SNX29: variants seen among roughly 807,000 people sequenced by gnomAD.
SNX29 encodes sorting nexin 29.
Under a neutral mutation model 102.1 loss-of-function variants are expected in SNX29, and 78 were observed. The ratio of observed to expected loss-of-function variants is 0.76; its 90% CI spans 0.64 to 0.92. The LOEUF (loss-of-function observed/expected upper bound fraction) is 0.92, where lower values mean the gene tolerates loss of function less well. SNX29 is among the 40% of genes least tolerant of loss of function. The pLI, the probability that SNX29 is intolerant of heterozygous loss-of-function variation, is 0.00. For synonymous variants in SNX29, 580 were observed against 414.5 expected (o/e 1.40, Z -4.85); for missense variants, 1,280 against 1,061.7 (o/e 1.21, Z -2.86).
intron 13 of SNX29, among the ~76,000 whole-genome samples, chr16:12,160,559 G>A (rs772626633): frequency 6.6e-6 from 1 of 152,172 alleles, no homozygotes; most frequent in East Asian, 1.9e-4. Context: ...GCCGTGGTTG[G>A]GGTGTGGGTG....
At chr16:12,232,131 T>G (rs139919404) in intron 14 of SNX29, among the ~76,000 whole-genome samples, 7 of 152,330 alleles carry the variant, frequency 4.6e-5, no homozygotes, top group African/African-American at 1.7e-4. Flanking sequence ...ACAGCCCATA[T>G]TTTGAGGATG....
intron 20 of SNX29, among the ~76,000 whole-genome samples, chr16:12,548,546 C>G (rs188175052): frequency 2.0e-5 from 3 of 152,196 alleles, no homozygotes; most frequent in African/African-American, 4.8e-5. Flanking sequence ...TGGGAATTCC[C>G]TCTAGGGATT....
At chr16:12,382,092 C>G (rs2083185206) in intron 16 of SNX29, among the ~76,000 whole-genome samples, 3 of 152,054 alleles carry the variant, frequency 2.0e-5, no homozygotes, top group African/African-American at 7.2e-5. Flanking sequence ...ATGAATAACA[C>G]CCGGGTTCCA....
chr16:12,213,306 A>G (rs2077236615), intron 14 of SNX29, among the ~76,000 whole-genome samples: 1 of 152,142 alleles, frequency 6.6e-6, no homozygotes, highest in Non-Finnish European at 1.5e-5. Flanking sequence ...ATAGAGAAAC[A>G]TAAGGGACAT....
intron 18 of SNX29, among the ~76,000 whole-genome samples, chr16:12,438,993 A>C (rs906180409): frequency 1.3e-5 from 2 of 152,224 alleles, no homozygotes; most frequent in African/African-American, 2.4e-5. Flanking sequence ...TCCACCTGCC[A>C]TGTAGACCAT....
intron 3 of SNX29, among the ~76,000 whole-genome samples, chr16:12,003,413 G>A (rs1191299496): frequency 6.6e-6 from 1 of 152,176 alleles, no homozygotes; most frequent in Non-Finnish European, 1.5e-5. Flanking sequence ...CATTAATGGG[G>A]TGGAATGTTA....
At chr16:12,249,908 G>A (rs927474678) in intron 14 of SNX29, among the ~76,000 whole-genome samples, 2 of 152,156 alleles carry the variant, frequency 1.3e-5, no homozygotes, top group Non-Finnish European at 2.9e-5. Context: ...ACACCTGCAG[G>A]TCCCAGCCCT....
chr16:12,233,553 TAACA>T (rs1439245711), intron 14 of SNX29, among the ~76,000 whole-genome samples: 3 of 152,204 alleles, frequency 2.0e-5, no homozygotes, highest in Non-Finnish European at 4.4e-5. Flanking sequence ...TATACCCATG[TAACA>T]AACCTTCACT....
chr16:12,486,770 G>A (rs1221388714), intron 19 of SNX29, among the ~76,000 whole-genome samples: 1 of 152,166 alleles, frequency 6.6e-6, no homozygotes, highest in Non-Finnish European at 1.5e-5. Flanking sequence ...CTGATGGCCT[G>A]TCTCTCCGCC....
intron 3 of SNX29, among the ~76,000 whole-genome samples, chr16:12,005,517 A>G (rs1448374061): frequency 7.9e-5 from 12 of 152,078 alleles, no homozygotes; most frequent in Admixed American, 6.6e-5. Context: ...TAATTAGGAA[A>G]GACTCCTCCT....
chr16:12,483,132 T>TTTTTTG (rs1170773519), intron 19 of SNX29, among the ~76,000 whole-genome samples: 1 of 134,132 alleles, frequency 7.5e-6, no homozygotes, highest in Non-Finnish European at 1.6e-5. Context: ...TTTTTTTTTT[T>TTTTTTG]TTTTTTTTTT....
At chr16:12,124,379 C>A (rs921481789) in intron 11 of SNX29, among the ~76,000 whole-genome samples, 13 of 150,348 alleles carry the variant, frequency 8.6e-5, no homozygotes, top group Non-Finnish European at 1.5e-5. Context: ...AACTGATATT[C>A]TTTCTACACT....
At chr16:12,374,789 C>G (rs1456322384) in intron 16 of SNX29, 1 of 152,292 alleles carries the variant, frequency 6.6e-6, no homozygotes, top group East Asian at 1.9e-4. Flanking sequence ...TCAATGGGAC[C>G]TGGGCACCTC....
chr16:12,074,236 T>A (rs893705541), intron 10 of SNX29, among the ~76,000 whole-genome samples: 2 of 152,062 alleles, frequency 1.3e-5, no homozygotes, highest in Non-Finnish European at 2.9e-5. Flanking sequence ...TTATTTTGCT[T>A]GTTAGTTGAT....
intron 18 of SNX29, among the ~76,000 whole-genome samples, chr16:12,457,214 A>G (rs1185421911): frequency 6.6e-6 from 1 of 152,206 alleles, no homozygotes; most frequent in Non-Finnish European, 1.5e-5. Flanking sequence ...TGCTTTATGC[A>G]TGTGTTATGT....
At chr16:12,519,261 ATGG>A (rs964763620) in intron 19 of SNX29, among the ~76,000 whole-genome samples, 4 of 152,214 alleles carry the variant, frequency 2.6e-5, no homozygotes, top group African/African-American at 9.7e-5. Context: ...TGTGGTGAAA[ATGG>A]TGGCACCATG....
At chr16:12,413,049 G>T (rs376849878) in intron 18 of SNX29, among the ~76,000 whole-genome samples, 28 of 152,162 alleles carry the variant, frequency 1.8e-4, no homozygotes, top group African/African-American at 6.5e-4. Flanking sequence ...ATGTTGTCAC[G>T]TTTGCTCATC....
chr16:12,128,100 C>G (rs2054296517), intron 12 of SNX29, among the ~76,000 whole-genome samples: 1 of 152,190 alleles, frequency 6.6e-6, no homozygotes, highest in Non-Finnish European at 1.5e-5. Context: ...AACATGATTT[C>G]TAAAACAAAA....
At chr16:12,561,318 A>G (rs1053306951) in intron 20 of SNX29, among the ~76,000 whole-genome samples, 7 of 152,134 alleles carry the variant, frequency 4.6e-5, no homozygotes, top group African/African-American at 7.2e-5. Context: ...TCCTGGAGGC[A>G]GAACTGGGTT....
Sources: allele counts gnomAD v4.1 joint callset (sites outside exome capture counted in the v4.1 genomes callset), GRCh38; gene constraint gnomAD v4.1.1; transcripts MANE v1.5; gene names NCBI Gene and HGNC (gene_info 2026-07-23, HGNC 2026-07-21).